Variants in LRP1B observed in about 807,000 individuals in gnomAD.
LRP1B encodes LDL receptor related protein 1B, also known as low-density lipoprotein receptor-related protein 1B.
In LRP1B, 217 loss-of-function variants were observed where a neutral mutation model predicts 556.6. The observed-to-expected ratio is 0.39, with a 90% CI of 0.35 to 0.44. LRP1B has a LOEUF of 0.44. Ranked by LOEUF, LRP1B falls within the 20% of genes least tolerant of loss-of-function variation. The pLI, the probability that LRP1B is intolerant of heterozygous loss-of-function variation, is 1.00. For missense variants in LRP1B, 5,053 were observed against 5,620.8 expected (o/e 0.90, Z 3.23); for synonymous variants, 2,047 against 1,865.8 (o/e 1.10, Z -2.50).
intron 3 of LRP1B, among the ~76,000 whole-genome samples, chr2:141,266,324 A>C (rs905577838): frequency 4.2e-5 from 4 of 94,738 alleles, no homozygotes; most frequent in Non-Finnish European, 7.2e-5. Context: ...ACTCTGTTTC[A>C]AAAAAAAAAA....
chr2:141,257,255 C>T (rs1003170862), intron 3 of LRP1B, among the ~76,000 whole-genome samples: 2 of 152,088 alleles, frequency 1.3e-5, no homozygotes, highest in Non-Finnish European at 2.9e-5. Context: ...GGAAAGGTTT[C>T]TCACAGAAAA....
chr2:140,994,299 C>G (rs959330612), intron 15 of LRP1B, among the ~76,000 whole-genome samples, 164 bp from the exon 16 acceptor site: 1 of 151,770 alleles, frequency 6.6e-6, no homozygotes, highest in South Asian at 2.1e-4. Flanking sequence ...CAATGTCATC[C>G]AGGTTCATCC....
chr2:140,909,444 TTA>T lies in LRP1B; in HGVS notation c.3320-1369_3320-1368del, dbSNP rs1447506371. On this transcript the variant is annotated intron_variant, in intron 21 of 90. Transcript: ENST00000389484. ...AATATATCAATAATTCTTCACACTA[TTA>T]TGTCAAATAAAATATAATCAGTTCC... Among the ~76,000 whole-genome samples the T allele has an allele frequency of 2.0e-5, 3 of 151,784 alleles. No homozygotes were observed. In the South Asian group the frequency reaches 6.2e-4, roughly 32 times the overall value.
chr2:140,609,285 T>C (rs552039778), intron 41 of LRP1B, among the ~76,000 whole-genome samples: 1 of 152,244 alleles, frequency 6.6e-6, no homozygotes, highest in South Asian at 2.1e-4. Flanking sequence ...GTGAAATAAA[T>C]CTTCAGCTGA....
intron 1 of LRP1B, among the ~76,000 whole-genome samples, chr2:141,952,184 C>CT (rs1701125004): frequency 7.9e-6 from 1 of 126,956 alleles, no homozygotes. Flanking sequence ...ATGAATTCAT[C>CT]CTTTTTTTAT....
intron 66 of LRP1B, among the ~76,000 whole-genome samples, chr2:140,438,360 T>C (rs536934777): frequency 3.9e-5 from 6 of 152,298 alleles, no homozygotes; most frequent in South Asian, 2.1e-4. Flanking sequence ...AAAAGAGTTA[T>C]AAGGTATAAG....
chr2:142,092,990 T>C (rs1264514470), intron 1 of LRP1B, among the ~76,000 whole-genome samples: 2 of 152,060 alleles, frequency 1.3e-5, no homozygotes, highest in East Asian at 3.9e-4. Flanking sequence ...AAAGCCCAGG[T>C]ACATAGACCC....
chr2:140,911,248 A>G (rs1191837307), intron 21 of LRP1B, among the ~76,000 whole-genome samples: 1 of 151,860 alleles, frequency 6.6e-6, no homozygotes, highest in African/African-American at 2.4e-5. Flanking sequence ...ATTTATCAAT[A>G]TCAGTACATG....
At chr2:140,781,207 T>C (rs1037460376) in intron 32 of LRP1B, among the ~76,000 whole-genome samples, 1 of 152,116 alleles carries the variant, frequency 6.6e-6, no homozygotes, top group African/African-American at 2.4e-5. Flanking sequence ...TCAAGGACCA[T>C]TAGGACTCAG....
chr2:140,589,831 G>T (rs979918635), intron 43 of LRP1B, among the ~76,000 whole-genome samples: 2 of 152,156 alleles, frequency 1.3e-5, no homozygotes, highest in African/African-American at 4.8e-5. Flanking sequence ...ATTAGTGGTT[G>T]CAGGTGATTA....
At chr2:140,336,753 C>T (rs935561468) in intron 77 of LRP1B, among the ~76,000 whole-genome samples, 1 of 151,872 alleles carries the variant, frequency 6.6e-6, no homozygotes, top group Non-Finnish European at 1.5e-5. Context: ...ACAAAGGTAG[C>T]AGAATTCATT....
At chr2:141,030,853 G>C (rs1158216944) in intron 11 of LRP1B, among the ~76,000 whole-genome samples, 1 of 151,948 alleles carries the variant, frequency 6.6e-6, no homozygotes, top group Non-Finnish European at 1.5e-5. Flanking sequence ...AGAATTGATA[G>C]GTGTTTAAGG....
intron 77 of LRP1B, 33 bp downstream of exon 77, chr2:140,350,764 T>G: frequency 6.3e-7 from 1 of 1,596,740 alleles, no homozygotes; most frequent in South Asian, 1.1e-5. Context: ...GGAAAAGGTA[T>G]GGACTTTCAA....
intron 89 of LRP1B, among the ~76,000 whole-genome samples, chr2:140,237,292 T>A (rs190416851): frequency 7.9e-5 from 12 of 151,102 alleles, no homozygotes; most frequent in Admixed American, 2.7e-4. Context: ...GATTATTTCA[T>A]ATATGACAAT....
At chr2:140,876,095 A>G (rs1327692323) in intron 25 of LRP1B, among the ~76,000 whole-genome samples, 1 of 152,122 alleles carries the variant, frequency 6.6e-6, no homozygotes, top group African/African-American at 2.4e-5. Flanking sequence ...ATCAGAATAG[A>G]GGAAAAGCTT....
At chr2:141,251,409 T>C (rs187934150) in intron 4 of LRP1B, among the ~76,000 whole-genome samples, 4 of 152,086 alleles carry the variant, frequency 2.6e-5, no homozygotes, top group African/African-American at 9.7e-5. Context: ...AGTTTGTGGA[T>C]AATAAAGGAG....
At chr2:141,202,458 T>C (rs1682074203) in intron 6 of LRP1B, among the ~76,000 whole-genome samples, 1 of 152,214 alleles carries the variant, frequency 6.6e-6, no homozygotes, top group Non-Finnish European at 1.5e-5. Flanking sequence ...GGTCGAATGG[T>C]AGTTCTGCTT....
intron 2 of LRP1B, among the ~76,000 whole-genome samples, chr2:141,566,780 G>A (rs1260339954): frequency 6.6e-6 from 1 of 151,968 alleles, no homozygotes; most frequent in Admixed American, 6.6e-5. Flanking sequence ...GATCACTTGA[G>A]CCCAGGTGTT....
At chr2:141,932,124 T>G (rs1053892136) in intron 1 of LRP1B, among the ~76,000 whole-genome samples, 2 of 151,928 alleles carry the variant, frequency 1.3e-5, no homozygotes, top group Admixed American at 6.6e-5. Context: ...AAAGATAAAG[T>G]GAGCAAAAAG....
Sources: gnomAD v4.1 joint callset for allele counts (sites outside exome capture counted in the v4.1 genomes callset) on GRCh38, gnomAD v4.1.1 for gene constraint, MANE v1.5 for transcripts, NCBI Gene and HGNC (gene_info 2026-07-23, HGNC 2026-07-21) for gene names.